TEX9: variants seen among roughly 807,000 people sequenced by gnomAD.
TEX9 encodes testis-expressed protein 9.
A neutral mutation model predicts 59.6 loss-of-function variants in TEX9; 74 were observed. That is an observed-to-expected ratio of 1.24 (90% CI 1.03 to 1.51). The LOEUF (loss-of-function observed/expected upper bound fraction) is 1.51. Ranked by LOEUF, TEX9 falls within the 40% of genes most tolerant of loss-of-function variation. The pLI, the probability that TEX9 is intolerant of heterozygous loss-of-function variation, is 0.00. For missense variants in TEX9, 522 were observed against 447.8 expected (o/e 1.17, Z -1.49); for synonymous variants, 186 against 152.2 (o/e 1.22, Z -1.64).
chr15:56,267,759 C>T (rs911065017), intron 1 of TEX9, among the ~76,000 whole-genome samples: 10 of 152,186 alleles, frequency 6.6e-5, no homozygotes, highest in African/African-American at 1.4e-4. Flanking sequence ...AGTCAGGTAG[C>T]GTGATGCCTC....
rs147262015 is a variant in TEX9, at chr15:56,334,195, T to A, written c.-106-39246T>A. ...AAATGCAACCACAGAAGACTCAGAA[T>A]GGCCAAAGCTATCCCAAGCAAATGA... On this transcript the variant is annotated intron_variant, in intron 1 of 5. Transcript: ENST00000560827. Among the ~76,000 whole-genome samples, 331 of 152,202 alleles carry A rather than the reference T, an allele frequency of 2.2e-3. 1 individual carries two copies. Among genetic ancestry groups the A allele is most frequent in the Non-Finnish European group, 3.1e-3 (209 of 68,000 alleles).
At chr15:56,402,732 C>T (rs533420581) in intron 9 of TEX9, among the ~76,000 whole-genome samples, 1 of 152,240 alleles carries the variant, frequency 6.6e-6, no homozygotes, top group South Asian at 2.1e-4. Flanking sequence ...CAAAAATCCT[C>T]AATAAAATAC....
At chr15:56,389,959 G>A (rs1412133107) in intron 6 of TEX9, among the ~76,000 whole-genome samples, 2 of 151,754 alleles carry the variant, frequency 1.3e-5, no homozygotes, top group Non-Finnish European at 1.5e-5. Flanking sequence ...TGGAGGATTG[G>A]GTTGCACCAA....
At chr15:56,270,119 T>A (rs1477682503) in intron 1 of TEX9, among the ~76,000 whole-genome samples, 1 of 152,186 alleles carries the variant, frequency 6.6e-6, no homozygotes, top group East Asian at 1.9e-4. Flanking sequence ...GAATGTATAT[T>A]CTGTTGATTT....
chr15:56,404,074 A>G (rs1035748599), intron 9 of TEX9, among the ~76,000 whole-genome samples: 6 of 152,230 alleles, frequency 3.9e-5, no homozygotes, highest in African/African-American at 1.4e-4. Flanking sequence ...AGGCATGGGC[A>G]AGGACACTTC....
intron 9 of TEX9, among the ~76,000 whole-genome samples, chr15:56,405,922 C>A (rs1372537889): frequency 6.6e-6 from 1 of 152,078 alleles, no homozygotes; most frequent in African/African-American, 2.4e-5. Flanking sequence ...TTTTGTTTTT[C>A]TGTTAGTGAT....
At chr15:56,281,110 A>C (rs2044808248) in intron 1 of TEX9, among the ~76,000 whole-genome samples, 1 of 152,190 alleles carries the variant, frequency 6.6e-6, no homozygotes, top group African/African-American at 2.4e-5. Context: ...TATTGTCTTC[A>C]GCATTAGCAA....
At chr15:56,300,963 G>A (rs1478843341) in intron 1 of TEX9, among the ~76,000 whole-genome samples, 4 of 152,122 alleles carry the variant, frequency 2.6e-5, no homozygotes, top group South Asian at 2.1e-4. Flanking sequence ...GAATATCAAC[G>A]AGCATCAAGA....
At chr15:56,374,655 TA>T (rs1301441645) in intron 3 of TEX9, 2 of 152,180 alleles carry the variant, frequency 1.3e-5, no homozygotes, top group Non-Finnish European at 2.9e-5. Flanking sequence ...TCTGACTATA[TA>T]TTTTTTTACC....
rs1199815805 is a variant in TEX9, at chr15:56,434,293, C to T, written c.*29+5820C>T. 1.9e-6 allele frequency: 3 copies of T among 1,613,842 alleles called. No homozygotes were observed. The highest frequency in any genetic ancestry group is 1.7e-5 in the Admixed American group (1 of 59,956). On this transcript the variant is annotated intron_variant, in intron 12 of 12. Transcript: ENST00000352903. ...AGCATAGTTTTTCTAAAGTTCTCCTCTTCCTCTTTTGCAGCCTGTAGCACT... is the reference window on the plus strand; with the variant it reads ...AGCATAGTTTTTCTAAAGTTCTCCTTTTCCTCTTTTGCAGCCTGTAGCACT...
chr15:56,390,314 A>G (rs2048147697), intron 6 of TEX9, among the ~76,000 whole-genome samples: 1 of 152,002 alleles, frequency 6.6e-6, no homozygotes, highest in Admixed American at 6.6e-5. Flanking sequence ...GATAGCCAAT[A>G]ATAACTTAAT....
At chr15:56,447,104 C>T, downstream of TEX9, 1 of 563,212 alleles carries the variant, frequency 1.8e-6, no homozygotes, top group Admixed American at 3.1e-5. Flanking sequence ...TTAATGGATG[C>T]CTTTAGGGCA....
the TEX9 span, among the ~76,000 whole-genome samples, chr15:56,451,336 A>G: frequency 6.6e-6 from 1 of 152,340 alleles, no homozygotes; most frequent in South Asian, 2.1e-4. Flanking sequence ...CTGAGCTAGG[A>G]GGGAATGAGG....
intron 1 of TEX9, among the ~76,000 whole-genome samples, chr15:56,333,359 A>G (rs758971288): frequency 4.6e-5 from 7 of 152,198 alleles, no homozygotes; most frequent in Admixed American, 2.6e-4. Flanking sequence ...GGATGGTTCA[A>G]CATATGCAAA....
rs369896289 is a variant in TEX9, at chr15:56,244,943, A to C, written c.-107+665A>C. Reference sequence around the variant, plus strand: ...GGGAGGCTGCGTGGATGTAGAATACAACAGCCAAGGCCTCTGGCACCAAAT... The same window carrying C: ...GGGAGGCTGCGTGGATGTAGAATACCACAGCCAAGGCCTCTGGCACCAAAT... On this transcript the variant is annotated intron_variant, in intron 1 of 5. Coordinates refer to the TEX9 transcript ENST00000560827. 1.3e-5 allele frequency among the ~76,000 whole-genome samples: 2 copies of C among 152,280 alleles called. 1 individual carries two copies.
chr15:56,300,685 C>CAGAGAGAGAGAGGGAGGG (rs2045324702), intron 1 of TEX9, among the ~76,000 whole-genome samples: 32 of 115,672 alleles, frequency 2.8e-4, no homozygotes, highest in African/African-American at 1.3e-3. Context: ...AGCAACTCAG[C>CAGAGAGAGAGAGGGAGGG]AGAGAGAGAG....
intron 1 of TEX9, among the ~76,000 whole-genome samples, chr15:56,349,167 T>C (rs540115505): frequency 1.5e-4 from 23 of 152,282 alleles, no homozygotes; most frequent in African/African-American, 5.1e-4. Flanking sequence ...ATTTCATTAT[T>C]TCTTTGTATG....
At chr15:56,403,157 A>G (rs1257164438) in intron 9 of TEX9, among the ~76,000 whole-genome samples, 2 of 152,248 alleles carry the variant, frequency 1.3e-5, no homozygotes, top group East Asian at 1.9e-4. Context: ...AGAGAAAGCA[A>G]TAAAGGGTAT....
In TEX9 at chr15:56,339,544, C is replaced by T. The variant is rs74388303; in HGVS notation, c.-106-33897C>T. On this transcript the variant is annotated intron_variant, in intron 1 of 5. Coordinates refer to the TEX9 transcript ENST00000560827. The stretch of plus-strand genomic sequence containing the variant: ...CAACGCATATGCCAGATTAATAAGC[C>T]CATATCATTTATCAGGGGCTGTGTT... 7.9e-3 allele frequency among the ~76,000 whole-genome samples: 1,197 copies of T among 152,004 alleles called. 14 individuals are homozygous for T. The highest frequency in any genetic ancestry group is 0.027 in the African/African-American group (1,120 of 41,372).
Sources: allele counts gnomAD v4.1 joint callset (sites outside exome capture counted in the v4.1 genomes callset), GRCh38; gene constraint gnomAD v4.1.1; transcripts MANE v1.5; gene names NCBI Gene and HGNC (gene_info 2026-07-23, HGNC 2026-07-21).